Variants in CYB5RL observed in about 807,000 individuals in gnomAD.
CYB5RL encodes the protein cytochrome b5 reductase like, also known as NADH-cytochrome b5 reductase-like.
In CYB5RL, 38 loss-of-function variants were observed where a neutral mutation model predicts 37.5. That is an observed-to-expected ratio of 1.01 (90% confidence interval 0.78 to 1.33). The LOEUF is 1.33. CYB5RL is among the 40% of genes most tolerant of loss of function. The pLI, the probability that CYB5RL is intolerant of heterozygous loss-of-function variation, is 0.00. For missense variants in CYB5RL, 388 were observed against 394.4 expected, an observed-to-expected ratio of 0.98 and a Z score of 0.14; for synonymous variants, 141 against 151.9, an observed-to-expected ratio of 0.93 and a Z score of 0.53.
chr1:54,181,348 G>A (rs961991618), intron 6 of CYB5RL, among the ~76,000 whole-genome samples: 2 of 152,230 alleles, frequency 1.3e-5, no homozygotes, highest in Admixed American at 6.5e-5. Context: ...GTGAGCTTCT[G>A]GAGAACAGGG....
chr1:54,183,180 A>G (rs1660206742), intron 6 of CYB5RL, among the ~76,000 whole-genome samples: 1 of 152,230 alleles, frequency 6.6e-6, no homozygotes, highest in Non-Finnish European at 1.5e-5. Flanking sequence ...ACAGAACTTT[A>G]AAATCCAGGA....
rs1221575320 is a variant in CYB5RL at position 54,197,312 on chromosome 1, CTTTTCTTT to C, written c.-222-829_-222-822del. Reference sequence around the variant, plus strand: ...TCATAAACACTTTTCTTTTTCTTTTCTTTTCTTTTTTTTTTTTTTTTGAGACAGAGTCT... The same window carrying C: ...TCATAAACACTTTTCTTTTTCTTTTCTTTTTTTTTTTTTGAGACAGAGTCT... On this transcript the variant is annotated intron_variant, in intron 1 of 7. Transcript: ENST00000534324. Among the ~76,000 whole-genome samples the C allele has an allele frequency of 3.8e-5, 5 of 130,372 alleles. No individual in the cohort carries two copies. In the East Asian group the frequency reaches 9.6e-4, roughly 25 times the overall value. The allele number at this position is 130,372 out of a possible 152,430, so 85.5% of individuals were successfully genotyped here.
rs775737889 is a variant in CYB5RL, at chr1:54,195,595, C to A, written c.22G>T (p.Asp8Tyr). The A allele has an allele frequency of 1.9e-6, 3 of 1,611,328 alleles. No individual in the cohort carries two copies. The highest frequency in any genetic ancestry group is 2.5e-6 in the Non-Finnish European group (3 of 1,178,144). Residue 8 changes from aspartate to tyrosine, a missense_variant, in exon 3 of 8, where the codon GAC becomes TAC. Physicochemically the swap from Asp to Tyr is radical, Grantham distance 160 (BLOSUM62 -3). Transcript: ENST00000534324. MMAEREE[D>Y]DDTEEAWMQL... ...ATCCAGGCTTCCTCAGTGTCGTCGT[C>A]CTCTTCCCTCTCAGCCATCATCAGT...
intron 3 of CYB5RL, among the ~76,000 whole-genome samples, chr1:54,194,962 G>A (rs374998604): frequency 3.3e-5 from 5 of 152,218 alleles, no homozygotes; most frequent in African/African-American, 1.2e-4. Flanking sequence ...AGGAGTTAAG[G>A]AGGAAGAAGT....
At chr1:54,197,604 T>C (rs985088457) in intron 1 of CYB5RL, among the ~76,000 whole-genome samples, 1 of 152,198 alleles carries the variant, frequency 6.6e-6, no homozygotes, top group Admixed American at 6.5e-5. Context: ...TGTTTTCCTC[T>C]TGCTACCTAC....
At chr1:54,191,492 A>G (rs1643953923) in intron 3 of CYB5RL, among the ~76,000 whole-genome samples, 1 of 152,208 alleles carries the variant, frequency 6.6e-6, no homozygotes, top group South Asian at 2.1e-4. Flanking sequence ...GTAGACAAAA[A>G]TTCAAATTCA....
At chr1:54,180,459 C>T (rs1660132016) in intron 6 of CYB5RL, among the ~76,000 whole-genome samples, 1 of 151,826 alleles carries the variant, frequency 6.6e-6, no homozygotes, top group African/African-American at 2.4e-5. Flanking sequence ...AAAAAATTAG[C>T]CAGGCATGGT....
intron 5 of CYB5RL, chr1:54,186,229 A>G (rs1336471628): frequency 6.6e-6 from 1 of 152,284 alleles, no homozygotes; most frequent in Non-Finnish European, 1.5e-5. Flanking sequence ...TTTGGATCAT[A>G]TTACCCAAGA....
intron 7 of CYB5RL, among the ~76,000 whole-genome samples, chr1:54,176,193 C>T (rs988218399): frequency 6.6e-6 from 1 of 152,156 alleles, no homozygotes; most frequent in Non-Finnish European, 1.5e-5. Context: ...GGTGTAAGCC[C>T]TGGGAGAGGC....
intron 5 of CYB5RL, chr1:54,184,761 C>T (rs1660248701): frequency 6.6e-6 from 1 of 152,466 alleles, no homozygotes; most frequent in Admixed American, 6.5e-5. Flanking sequence ...GCACGAAATC[C>T]ATATTTTTAT....
chr1:54,184,476 G>C (rs1660241958), intron 5 of CYB5RL: 3 of 520,804 alleles, frequency 5.8e-6, no homozygotes, highest in African/African-American at 3.8e-5. Context: ...ACAGGAGGCT[G>C]GGATGAGAAT....
intron 5 of CYB5RL, chr1:54,185,133 T>G (rs1473241818): frequency 6.6e-6 from 1 of 152,240 alleles, no homozygotes. Context: ...GCTCTCCCCT[T>G]AAGGAGCTTA....
At chr1:54,182,249 G>A (rs888932692) in intron 6 of CYB5RL, among the ~76,000 whole-genome samples, 3 of 152,214 alleles carry the variant, frequency 2.0e-5, no homozygotes, top group Admixed American at 1.3e-4. Flanking sequence ...GCACCTAAGA[G>A]CTGCTGTGAA....
chr1:54,193,969 C>CAAT (rs553048131), intron 3 of CYB5RL, among the ~76,000 whole-genome samples: 1,595 of 147,702 alleles, frequency 0.011, 22 homozygotes, highest in African/African-American at 0.037. Context: ...GACTCTGCCT[C>CAAT]AATAATAATA....
chr1:54,196,749 C>T (rs1293514694), intron 1 of CYB5RL, among the ~76,000 whole-genome samples: 6 of 152,142 alleles, frequency 3.9e-5, no homozygotes, highest in African/African-American at 1.4e-4. Context: ...GAGTTTCATA[C>T]AGCTTCTAAA....
At chr1:54,197,312 C>CTTTTTT (rs199620217) in intron 1 of CYB5RL, among the ~76,000 whole-genome samples, 21 of 130,366 alleles carry the variant, frequency 1.6e-4, no homozygotes, top group South Asian at 7.9e-4. Context: ...TTTTTCTTTT[C>CTTTTTT]TTTTCTTTTT....
intron 3 of CYB5RL, 80 bp from the exon 4 acceptor site, chr1:54,190,976 C>A: frequency 6.6e-7 from 1 of 1,524,918 alleles, no homozygotes; most frequent in Non-Finnish European, 8.8e-7. Flanking sequence ...TCCCACTGTC[C>A]CCAAGGAGAG....
In CYB5RL at chr1:54,179,144, C is replaced by T. The variant is rs938912748; in HGVS notation, c.744+5G>A. ...CAAAAAAGAAAGTCACCACCCTGGG[C>T]TCACCTGGCTGAGTACAAAGAAGGT... On this transcript the variant is annotated splice_donor_5th_base_variant and intron_variant, in intron 7 of 7. Transcript: ENST00000534324. 6.2e-7 allele frequency: 1 copy of T among 1,610,978 alleles called. No individual in the cohort carries two copies. The highest frequency in any genetic ancestry group is 1.1e-5 in the South Asian group (1 of 89,962).
In CYB5RL at chr1:54,174,539, T is replaced by C; in HGVS notation, c.*80A>G. ...GCAGCAGGACCAGGCCTGGACTCCGTGTCTTCTGATTCCAGTCTGTGCTCC... is the reference window on the plus strand; with the variant it reads ...GCAGCAGGACCAGGCCTGGACTCCGCGTCTTCTGATTCCAGTCTGTGCTCC... On this transcript the variant is annotated 3_prime_UTR_variant, in exon 8 of 8. Coordinates refer to ENST00000534324, the MANE Select transcript of CYB5RL (RefSeq NM_001031672.4). 6.7e-7 allele frequency: 1 copy of C among 1,498,432 alleles called. No individual in the cohort carries two copies. Among genetic ancestry groups the C allele is most frequent in the South Asian group, 1.2e-5 (1 of 82,632 alleles). The allele number at this position is 1,498,432 out of a possible 1,614,324, so 92.8% of individuals were successfully genotyped here.
Sources: gnomAD v4.1 joint callset for allele counts (sites outside exome capture counted in the v4.1 genomes callset) on GRCh38, gnomAD v4.1.1 for gene constraint, MANE v1.5 for transcripts, NCBI Gene and HGNC (gene_info 2026-07-23, HGNC 2026-07-21) for gene names.